The following TRAK2 variants were observed in gnomAD, a reference collection of about 807,000 sequenced individuals.
The protein encoded by TRAK2 is trafficking kinesin-binding protein 2.
In TRAK2, 81 loss-of-function variants were observed where a neutral mutation model predicts 104.6. The ratio of observed to expected loss-of-function variants is 0.77; its 90% CI spans 0.65 to 0.93. The LOEUF (loss-of-function observed/expected upper bound fraction) is 0.93. Among genes scored for constraint, TRAK2 ranks in the 40% least tolerant of loss-of-function variants. TRAK2 has a pLI of 0.00. For missense variants in TRAK2, 1,002 were observed against 1,089.0 expected (o/e 0.92, Z 1.12); for synonymous variants, 406 against 394.4 (o/e 1.03, Z -0.35).
At chr2:201,443,346 A>G (rs1034314943) in intron 1 of TRAK2, among the ~76,000 whole-genome samples, 4 of 152,160 alleles carry the variant, frequency 2.6e-5, no homozygotes, top group African/African-American at 9.6e-5. Context: ...CCCTGTTTCA[A>G]CTTCCCTTCC....
At chr2:201,414,365 C>T (rs1388369981) in intron 2 of TRAK2, among the ~76,000 whole-genome samples, 2 of 152,224 alleles carry the variant, frequency 1.3e-5, no homozygotes, top group African/African-American at 4.8e-5. Flanking sequence ...AACCCTCTCA[C>T]TTTTAAAGAG....
intron 1 of TRAK2, among the ~76,000 whole-genome samples, chr2:201,449,713 C>A (rs1422961136): frequency 6.6e-6 from 1 of 151,118 alleles, no homozygotes; most frequent in Non-Finnish European, 1.5e-5. Context: ...GGGGTGCAAT[C>A]TTGGCTCACT....
chr2:201,429,461 C>G (rs1001850124), intron 1 of TRAK2, among the ~76,000 whole-genome samples: 2 of 152,190 alleles, frequency 1.3e-5, no homozygotes, highest in African/African-American at 4.8e-5. Context: ...GAGTGTTTTC[C>G]AACTTGGTTC....
At chr2:201,385,995 A>G (rs1309851018) in intron 14 of TRAK2, among the ~76,000 whole-genome samples, 1 of 152,216 alleles carries the variant, frequency 6.6e-6, no homozygotes, top group Non-Finnish European at 1.5e-5. Context: ...TTTGTGAACC[A>G]CTGACTTGAA....
intron 10 of TRAK2, among the ~76,000 whole-genome samples, chr2:201,390,879 T>C (rs901138857): frequency 4.0e-5 from 6 of 151,826 alleles, no homozygotes; most frequent in African/African-American, 1.5e-4. Context: ...TCAACTAATA[T>C]GGGTGACATG....
intron 14 of TRAK2, among the ~76,000 whole-genome samples, 195 bp downstream of exon 14, chr2:201,386,023 C>G (rs1951385709): frequency 6.6e-6 from 1 of 152,148 alleles, no homozygotes; most frequent in Non-Finnish European, 1.5e-5. Flanking sequence ...AGCTCTCTAC[C>G]CAATCTACTA....
intron 1 of TRAK2, among the ~76,000 whole-genome samples, chr2:201,435,635 A>T (rs1951875422): frequency 6.6e-6 from 1 of 152,232 alleles, no homozygotes; most frequent in African/African-American, 2.4e-5. Flanking sequence ...TTATTACCAA[A>T]TCATACCTAA....
At chr2:201,418,330 C>T (rs1182863853) in intron 2 of TRAK2, among the ~76,000 whole-genome samples, 1 of 152,194 alleles carries the variant, frequency 6.6e-6, no homozygotes, top group East Asian at 1.9e-4. Context: ...CAGGTGCATG[C>T]CACCACGCCC....
intron 2 of TRAK2, chr2:201,419,391 A>G (rs1951720604): frequency 6.5e-6 from 1 of 154,852 alleles, no homozygotes; most frequent in Non-Finnish European, 1.5e-5. Flanking sequence ...CAGCTTAGCA[A>G]TAAAAAGAAA....
intron 1 of TRAK2, among the ~76,000 whole-genome samples, chr2:201,441,199 C>T (rs1274567776): frequency 6.6e-6 from 1 of 152,166 alleles, no homozygotes; most frequent in Non-Finnish European, 1.5e-5. Flanking sequence ...AAAAAATCTG[C>T]ATAAAAGAGT....
chr2:201,384,194 C>T lies in TRAK2; in HGVS notation c.1986G>A (p.Lys662=). The change falls in exon 15 of 16, where the codon AAG becomes AAA. Residue 662 remains lysine (K), a synonymous_variant. Coordinates refer to ENST00000332624, the MANE Select transcript of TRAK2 (RefSeq NM_015049.3). ...PVTVATANPG[K]CLSCTNSTFT... Reference sequence around the variant, plus strand: ...ATGTTGAGTTTGTGCACGACAGGCACTTTCCTGGGTTGGCGGTTGCAACTG... The same window carrying T: ...ATGTTGAGTTTGTGCACGACAGGCATTTTCCTGGGTTGGCGGTTGCAACTG... The T allele has an allele frequency of 6.2e-7, 1 of 1,613,428 alleles. No individual in the cohort carries two copies. Among genetic ancestry groups the T allele is most frequent in the Non-Finnish European group, 8.5e-7 (1 of 1,179,666 alleles).
At chr2:201,414,724 C>T (rs1951677255) in intron 2 of TRAK2, among the ~76,000 whole-genome samples, 1 of 152,036 alleles carries the variant, frequency 6.6e-6, no homozygotes, top group Non-Finnish European at 1.5e-5. Context: ...ATGTGATTAT[C>T]CAAATTTTTC....
chr2:201,382,242 A>G (rs1266040848), intron 15 of TRAK2, among the ~76,000 whole-genome samples: 1 of 152,200 alleles, frequency 6.6e-6, no homozygotes, highest in Non-Finnish European at 1.5e-5. Flanking sequence ...TGAAATAGAG[A>G]TGGTACTTCT....
chr2:201,388,831 A>G (rs527533151), intron 12 of TRAK2, among the ~76,000 whole-genome samples: 40 of 152,348 alleles, frequency 2.6e-4, no homozygotes, highest in Middle Eastern at 3.4e-3. Context: ...TTATGTTAGG[A>G]AACATTTCCC....
chr2:201,406,344 G>A (rs1951594578), intron 3 of TRAK2, among the ~76,000 whole-genome samples: 1 of 152,114 alleles, frequency 6.6e-6, no homozygotes, highest in African/African-American at 2.4e-5. Flanking sequence ...GTATTTCACA[G>A]TAGACATTCT....
intron 2 of TRAK2, chr2:201,413,427 G>A: frequency 2.2e-6 from 1 of 460,764 alleles, no homozygotes; most frequent in Non-Finnish European, 3.8e-6. Context: ...CTTCACACGT[G>A]GCAGCTGGAG....
chr2:201,420,502 A>C lies in TRAK2; in HGVS notation c.6T>G (p.Ser2Arg). M[S>R]QSQNAIFTSP... ...ATGTAAAAATTGCATTCTGGGATTG[A>C]CTCATGCAGGATCCTTTCTTGCTTT... is the stretch of plus-strand genomic sequence containing the variant. The change falls in exon 2 of 16, where the codon AGT becomes AGG. Residue 2 changes from serine (S) to arginine (R), a missense_variant. Transcript: ENST00000332624. The C allele has an allele frequency of 6.2e-7, 1 of 1,613,710 alleles. No individual in the cohort carries two copies.
At chr2:201,412,567 A>G (rs1368856195) in intron 2 of TRAK2, 22 of 1,340,400 alleles carry the variant, frequency 1.6e-5, no homozygotes, top group Non-Finnish European at 2.1e-5. Context: ...TAAAGAATAT[A>G]TATCACTGAC....
intron 2 of TRAK2, chr2:201,410,938 T>C (rs1951640620): frequency 1.9e-6 from 3 of 1,573,476 alleles, no homozygotes; most frequent in South Asian, 1.1e-5. Flanking sequence ...CCAACTGTGC[T>C]TGGACTACTG....
Sources: gnomAD v4.1 joint callset for allele counts (sites outside exome capture counted in the v4.1 genomes callset) on GRCh38, gnomAD v4.1.1 for gene constraint, MANE v1.5 for transcripts, NCBI Gene and HGNC (gene_info 2026-07-23, HGNC 2026-07-21) for gene names.